ATP8A2: variants seen among roughly 807,000 people sequenced by gnomAD.
ATP8A2 encodes the protein phospholipid-transporting ATPase IB.
In ATP8A2, 100 loss-of-function variants were observed where a neutral mutation model predicts 165.6. That is an observed-to-expected ratio of 0.60 (90% CI 0.51 to 0.71). ATP8A2 has a LOEUF of 0.71. Among genes scored for constraint, ATP8A2 ranks in the 30% least tolerant of loss-of-function variants. The pLI is 0.00. For synonymous variants in ATP8A2, 543 were observed against 548.8 expected, an observed-to-expected ratio of 0.99 and a Z score of 0.15; for missense variants, 1,227 against 1,479.5, an observed-to-expected ratio of 0.83 and a Z score of 2.80.
intron 2 of ATP8A2, among the ~76,000 whole-genome samples, chr13:25,488,201 CTTT>C (rs2036412101): frequency 6.6e-6 from 1 of 152,122 alleles, no homozygotes; most frequent in African/African-American, 2.4e-5. Flanking sequence ...AATTTATCTT[CTTT>C]ATTATATTTA....
At chr13:25,560,891 CTTT>C (rs770147927) in intron 15 of ATP8A2, among the ~76,000 whole-genome samples, 2 of 139,756 alleles carry the variant, frequency 1.4e-5, no homozygotes, top group African/African-American at 2.7e-5. Context: ...ACATTTTTTC[CTTT>C]TTTTTTTTTT....
chr13:25,991,915 T>TG (rs906572419), intron 35 of ATP8A2, among the ~76,000 whole-genome samples: 9 of 151,688 alleles, frequency 5.9e-5, no homozygotes, highest in Admixed American at 1.3e-4. Context: ...TTTTAGGTTT[T>TG]TTTTTTTTTT....
At chr13:25,572,051 G>T (rs563849072) in intron 18 of ATP8A2, among the ~76,000 whole-genome samples, 16 of 152,290 alleles carry the variant, frequency 1.1e-4, no homozygotes, top group African/African-American at 3.9e-4. Context: ...GAGCCTAAGA[G>T]TTCTTACTCA....
chr13:25,678,420 G>A (rs80212504), intron 24 of ATP8A2, among the ~76,000 whole-genome samples: 5,358 of 152,204 alleles, frequency 0.035, 156 homozygotes, highest in East Asian at 0.13. Flanking sequence ...CCCCACTGGA[G>A]AGCTGCTGAG....
intron 27 of ATP8A2, among the ~76,000 whole-genome samples, chr13:25,809,734 T>G (rs1382722184): frequency 6.6e-6 from 1 of 152,174 alleles, no homozygotes; most frequent in African/African-American, 2.4e-5. Flanking sequence ...TCTGTATTAC[T>G]TGTGTCCTCA....
chr13:25,875,899 G>A (rs563848489), intron 33 of ATP8A2, among the ~76,000 whole-genome samples: 7 of 152,312 alleles, frequency 4.6e-5, no homozygotes, highest in African/African-American at 9.6e-5. Flanking sequence ...ATCATTCTCC[G>A]ATAGTTTTAT....
At chr13:25,472,355 C>T (rs904894804) in intron 2 of ATP8A2, among the ~76,000 whole-genome samples, 1 of 148,496 alleles carries the variant, frequency 6.7e-6, no homozygotes, top group Admixed American at 6.8e-5. Flanking sequence ...AATCACACCA[C>T]TGCACTCTAG....
At chr13:25,786,906 C>T (rs992096014) in intron 27 of ATP8A2, among the ~76,000 whole-genome samples, 2 of 152,072 alleles carry the variant, frequency 1.3e-5, no homozygotes, top group African/African-American at 2.4e-5. Context: ...CAGGTGTCCA[C>T]CACCATACCC....
intron 1 of ATP8A2, among the ~76,000 whole-genome samples, chr13:25,397,963 A>G (rs1037906676): frequency 2.0e-5 from 3 of 152,198 alleles, no homozygotes; most frequent in African/African-American, 7.2e-5. Context: ...GGTTAAGATA[A>G]GGGGGATTGT....
At chr13:25,934,840 G>A (rs543925574) in intron 33 of ATP8A2, among the ~76,000 whole-genome samples, 1 of 152,296 alleles carries the variant, frequency 6.6e-6, no homozygotes, top group Non-Finnish European at 1.5e-5. Flanking sequence ...AAAAAACAAC[G>A]TTGAGGATTT....
chr13:25,891,934 T>C (rs12429432), intron 33 of ATP8A2, among the ~76,000 whole-genome samples: 10,507 of 152,192 alleles, frequency 0.069, 911 homozygotes, highest in African/African-American at 0.19. Flanking sequence ...TTGCTTGATT[T>C]TGAGGCTTCA....
intron 2 of ATP8A2, among the ~76,000 whole-genome samples, chr13:25,479,395 G>A (rs1376818516): frequency 1.3e-5 from 2 of 152,108 alleles, no homozygotes; most frequent in African/African-American, 4.8e-5. Flanking sequence ...GCTTTTACTA[G>A]GAATGTAAGT....
intron 27 of ATP8A2, 83 bp downstream of exon 27, chr13:25,775,042 G>A: frequency 1.3e-6 from 1 of 779,826 alleles, no homozygotes; most frequent in Non-Finnish European, 2.1e-6. Flanking sequence ...TTCAAGGCAG[G>A]ATTTTGTTCA....
intron 16 of ATP8A2, among the ~76,000 whole-genome samples, chr13:25,564,386 T>A (rs1322732727): frequency 6.6e-6 from 1 of 152,208 alleles, no homozygotes; most frequent in Admixed American, 6.5e-5. Flanking sequence ...ATCCTTTGAC[T>A]AGGATACTTT....
chr13:25,837,915 A>G (rs190130549), intron 29 of ATP8A2, among the ~76,000 whole-genome samples: 52 of 152,334 alleles, frequency 3.4e-4, no homozygotes, highest in African/African-American at 1.1e-3. Flanking sequence ...GGGGTCGTGC[A>G]GTCTCAGACA....
At position 25,857,723 on chromosome 13, in the gene ATP8A2, A is replaced by G. The variant is rs1952214650; in HGVS notation, c.2957-2472A>G. Among the ~76,000 whole-genome samples the G allele has an allele frequency of 2.0e-5, 3 of 151,756 alleles. No individual in the cohort carries two copies. In the South Asian group the frequency reaches 6.2e-4, roughly 32 times the overall value. On this transcript the variant is annotated intron_variant, in intron 30 of 36. Transcript: ENST00000381655. Reference sequence around the variant, plus strand: ...GTAGCTGGCAATTCAGGCAGGTGCCATCATGCCCAGTTAATTTTTGTTTTT... The same window carrying G: ...GTAGCTGGCAATTCAGGCAGGTGCCGTCATGCCCAGTTAATTTTTGTTTTT...
chr13:25,564,176 C>T, intron 16 of ATP8A2, 145 bp downstream of exon 16: 2 of 645,496 alleles, frequency 3.1e-6, no homozygotes, highest in Non-Finnish European at 5.6e-6. Flanking sequence ...GAGAAGTGAT[C>T]TTAGACAAAT....
rs59198871 is a variant in ATP8A2 at position 25,383,605 on chromosome 13, C to T, written c.76+11317C>T. Among the ~76,000 whole-genome samples, 316 of 152,314 alleles carry T rather than the reference C, an allele frequency of 2.1e-3. 1 individual carries two copies. Among genetic ancestry groups the T allele is most frequent in the African/African-American group, 7.2e-3 (300 of 41,572 alleles). Reference sequence around the variant, plus strand: ...AATCCAACTTATCAATATGTTCTTTCATGAATTATACTTCTGGCGTTTCAA... The same window carrying T: ...AATCCAACTTATCAATATGTTCTTTTATGAATTATACTTCTGGCGTTTCAA... On this transcript the variant is annotated intron_variant, in intron 1 of 36. Transcript: ENST00000381655.
intron 30 of ATP8A2, among the ~76,000 whole-genome samples, chr13:25,853,686 G>A (rs1952077339): frequency 6.6e-6 from 1 of 152,114 alleles, no homozygotes; most frequent in Non-Finnish European, 1.5e-5. Flanking sequence ...GGCTAATGTA[G>A]GTGGGACTTC....
Sources: allele counts gnomAD v4.1 joint callset (sites outside exome capture counted in the v4.1 genomes callset), GRCh38; gene constraint gnomAD v4.1.1; transcripts MANE v1.5; gene names NCBI Gene and HGNC (gene_info 2026-07-23, HGNC 2026-07-21).